TMEM108: variants seen among roughly 807,000 people sequenced by gnomAD.
The protein encoded by TMEM108 is cancer/testis antigen 124.
Under a neutral mutation model 35.1 loss-of-function variants are expected in TMEM108, and 12 were observed. The ratio of observed to expected loss-of-function variants is 0.34; its 90% CI spans 0.22 to 0.55. The LOEUF is 0.55. TMEM108 is among the 20% of genes least tolerant of loss of function. TMEM108 has a pLI of 0.89. For synonymous variants in TMEM108, 287 were observed against 308.6 expected, an observed-to-expected ratio of 0.93 and a Z score of 0.73; for missense variants, 680 against 753.3, an observed-to-expected ratio of 0.90 and a Z score of 1.14.
chr3:133,215,477 A>G (rs58372281), intron 2 of TMEM108, among the ~76,000 whole-genome samples: 50,646 of 151,634 alleles, frequency 0.33, 9,042 homozygotes, highest in East Asian at 0.52. Context: ...CTGGGAATGT[A>G]TGCGTTGATT....
intron 2 of TMEM108, among the ~76,000 whole-genome samples, chr3:133,124,144 C>A (rs1944386650): frequency 6.6e-6 from 1 of 152,118 alleles, no homozygotes; most frequent in Admixed American, 6.5e-5. Flanking sequence ...ATAGATACTT[C>A]AAGTATTCTT....
At chr3:133,199,772 G>GAAC (rs1945633897) in intron 2 of TMEM108, among the ~76,000 whole-genome samples, 2 of 152,178 alleles carry the variant, frequency 1.3e-5, no homozygotes, top group South Asian at 4.1e-4. Flanking sequence ...CGTGCTGGGA[G>GAAC]AACCACTACT....
At chr3:133,053,000 T>C (rs1003699831) in intron 2 of TMEM108, among the ~76,000 whole-genome samples, 3 of 152,152 alleles carry the variant, frequency 2.0e-5, no homozygotes, top group African/African-American at 7.2e-5. Flanking sequence ...TCAGGGAAGA[T>C]GCAGGTGCTC....
rs187083425 is a variant in TMEM108 at position 133,163,453 on chromosome 3, A to G, written c.-46-65813A>G. 2.0e-5 allele frequency among the ~76,000 whole-genome samples: 3 copies of G among 152,264 alleles called. No homozygotes were observed. In the East Asian group the frequency reaches 5.8e-4, roughly 29 times the overall value. ...TGTCCAAATAGTCCTTATATACCAT[A>G]GGGGTCAAGGAGGGTGTAATGAGGA... is the stretch of plus-strand genomic sequence containing the variant. On this transcript the variant is annotated intron_variant, in intron 2 of 5. Transcript: ENST00000321871.
At chr3:133,262,556 C>T (rs1489683171) in intron 3 of TMEM108, among the ~76,000 whole-genome samples, 1 of 152,226 alleles carries the variant, frequency 6.6e-6, no homozygotes, top group Non-Finnish European at 1.5e-5. Context: ...CTTTTATCTT[C>T]ACTGCTTTGG....
intron 3 of TMEM108, among the ~76,000 whole-genome samples, chr3:133,325,385 A>G (rs2071317637): frequency 6.6e-6 from 1 of 152,228 alleles, no homozygotes; most frequent in South Asian, 2.1e-4. Flanking sequence ...TGCTTAGGTG[A>G]TGAGTGCACC....
chr3:133,247,872 G>GT (rs1193684109), intron 3 of TMEM108: 1 of 152,170 alleles, frequency 6.6e-6, no homozygotes, highest in Non-Finnish European at 1.5e-5. Flanking sequence ...TACAAATGCA[G>GT]TCTCCTTTAT....
At chr3:133,244,736 T>C (rs1946361428) in intron 3 of TMEM108, among the ~76,000 whole-genome samples, 1 of 152,212 alleles carries the variant, frequency 6.6e-6, no homozygotes, top group African/African-American at 2.4e-5. Context: ...AAGGAATACT[T>C]CGAAAACGTA....
chr3:133,116,775 T>C (rs1944292973), intron 2 of TMEM108, among the ~76,000 whole-genome samples: 1 of 152,148 alleles, frequency 6.6e-6, no homozygotes, highest in Non-Finnish European at 1.5e-5. Context: ...TTTATCTGCA[T>C]TTATTTATTT....
intron 2 of TMEM108, among the ~76,000 whole-genome samples, chr3:133,216,553 G>A (rs916249641): frequency 6.6e-6 from 1 of 151,944 alleles, no homozygotes; most frequent in Non-Finnish European, 1.5e-5. Context: ...GAATTTATTT[G>A]TCCTAACTGA....
intron 2 of TMEM108, among the ~76,000 whole-genome samples, chr3:133,197,163 T>C (rs1413421070): frequency 6.6e-6 from 1 of 152,160 alleles, no homozygotes; most frequent in Non-Finnish European, 1.5e-5. Flanking sequence ...AGTATATTAG[T>C]CATAGTTTGT....
chr3:133,305,278 A>G (rs62279012), intron 3 of TMEM108, among the ~76,000 whole-genome samples: 47,728 of 147,272 alleles, frequency 0.32, 8,352 homozygotes, highest in East Asian at 0.48. Flanking sequence ...AAAACCAAAC[A>G]CCACATATTC....
chr3:133,370,871 AGTGTGTGTGTGTGTGTGTGTGTGT>A lies in TMEM108; in HGVS notation c.41-8853_41-8830del, dbSNP rs71624013. ...TATTCCGTCTGTTTCCCCAGCCCAT[AGTGTGTGTGTGTGTGTGTGTGTGT>A]GTGTGTGTGTGTGTGTGTGTGTGTG... is the stretch of plus-strand genomic sequence containing the variant. On this transcript the variant is annotated intron_variant, in intron 3 of 5. Transcript: ENST00000321871. Among the ~76,000 whole-genome samples, 59 of 125,550 alleles carry A rather than the reference AGTGTGTGTGTGTGTGTGTGTGTGT, an allele frequency of 4.7e-4. 2 individuals are homozygous for A. In the South Asian group the frequency reaches 0.011, roughly 23 times the overall value. The allele number at this position is 125,550 out of a possible 152,430, so 82.4% of individuals were successfully genotyped here.
intron 3 of TMEM108, among the ~76,000 whole-genome samples, chr3:133,234,068 G>T (rs201173813): frequency 0.11 from 16,571 of 151,734 alleles, 1,362 homozygotes; most frequent in East Asian, 0.37. Flanking sequence ...GTCAATTTTG[G>T]CTTTTGTTGC....
chr3:133,162,022 A>G (rs544279233), intron 2 of TMEM108, among the ~76,000 whole-genome samples: 1 of 152,290 alleles, frequency 6.6e-6, no homozygotes, highest in Admixed American at 6.5e-5. Context: ...ACTCAAGTTG[A>G]TAGTTTTTTA....
At chr3:133,313,620 C>T (rs942558006) in intron 3 of TMEM108, among the ~76,000 whole-genome samples, 3 of 152,196 alleles carry the variant, frequency 2.0e-5, no homozygotes, top group Admixed American at 6.5e-5. Flanking sequence ...TAGTTGATGA[C>T]ATATCCTTCT....
At chr3:133,065,309 T>A (rs753045854) in intron 2 of TMEM108, among the ~76,000 whole-genome samples, 3 of 151,660 alleles carry the variant, frequency 2.0e-5, no homozygotes, top group Admixed American at 6.6e-5. Context: ...CACACGCACA[T>A]GCACACACAC....
intron 2 of TMEM108, among the ~76,000 whole-genome samples, chr3:133,225,215 T>A (rs144555005): frequency 0.012 from 1,761 of 151,996 alleles, 33 homozygotes; most frequent in African/African-American, 0.039. Flanking sequence ...CCCGGCTAAT[T>A]TTTTGTATTT....
chr3:133,210,006 T>C (rs1193615771), intron 2 of TMEM108, among the ~76,000 whole-genome samples: 1 of 152,170 alleles, frequency 6.6e-6, no homozygotes, highest in Non-Finnish European at 1.5e-5. Context: ...AAAGCTCATG[T>C]TGCTTAAAAC....
Sources: gnomAD v4.1 joint callset for allele counts (sites outside exome capture counted in the v4.1 genomes callset) on GRCh38, gnomAD v4.1.1 for gene constraint, MANE v1.5 for transcripts, NCBI Gene and HGNC (gene_info 2026-07-23, HGNC 2026-07-21) for gene names.